Variants in DPCD observed in about 807,000 individuals in gnomAD.
DPCD encodes the protein protein DPCD.
DPCD carries 20 observed loss-of-function variants against 26.4 expected under a neutral mutation model. The observed-to-expected ratio is 0.76, with a 90% confidence interval of 0.53 to 1.10. The LOEUF is 1.10. Ranked by LOEUF, DPCD falls within the 50% of genes least tolerant of loss-of-function variation. The pLI is 0.00. For missense variants in DPCD, 202 were observed against 253.9 expected, an observed-to-expected ratio of 0.80 and a Z score of 1.39; for synonymous variants, 97 against 94.2, an observed-to-expected ratio of 1.03 and a Z score of -0.17.
chr10:101,595,078 T>G (rs983021642), intron 2 of DPCD, among the ~76,000 whole-genome samples: 1 of 152,220 alleles, frequency 6.6e-6, no homozygotes, highest in Non-Finnish European at 1.5e-5. Flanking sequence ...GGGCAGACTT[T>G]CACAATTTGT....
At chr10:101,608,657 A>G (rs2063748971) in intron 4 of DPCD, among the ~76,000 whole-genome samples, 178 bp from the exon 5 acceptor site, 1 of 152,162 alleles carries the variant, frequency 6.6e-6, no homozygotes, top group African/African-American at 2.4e-5. Context: ...CTTGCATTCT[A>G]TGCTTTCCAG....
At position 101,600,736 on chromosome 10, in the gene DPCD, A is replaced by T; in HGVS notation, c.146-2A>T. On this transcript the variant is annotated splice_acceptor_variant, in intron 2 of 5. Transcript: ENST00000370151. LOFTEE classifies it high-confidence loss of function. This position sits in a 1 kb window ranked among gnomAD's most constrained non-coding sequence, Gnocchi z 4.7. Reference sequence around the variant, plus strand: ...CATCCCGATGCTTGCTTCTCTCCCCAGTGAGAAAGTGGCGTGTGAAAAGTG... The same window carrying T: ...CATCCCGATGCTTGCTTCTCTCCCCTGTGAGAAAGTGGCGTGTGAAAAGTG... 6.2e-7 allele frequency: 1 copy of T among 1,612,014 alleles called. No individual in the cohort carries two copies. Among genetic ancestry groups the T allele is most frequent in the Non-Finnish European group, 8.5e-7 (1 of 1,179,190 alleles).
intron 4 of DPCD, among the ~76,000 whole-genome samples, chr10:101,608,246 A>G (rs2063746546): frequency 6.6e-6 from 1 of 152,156 alleles, no homozygotes; most frequent in South Asian, 2.1e-4. Flanking sequence ...GATGAGTAAC[A>G]TGGTTCGTCC....
chr10:101,601,117 T>C, intron 3 of DPCD, 86 bp from the exon 4 acceptor site: 3 of 1,579,744 alleles, frequency 1.9e-6, no homozygotes, highest in Non-Finnish European at 1.7e-6. Context: ...GCTGAGGGTC[T>C]TGTTGTGCCC....
chr10:101,600,906 G>T lies in DPCD; in HGVS notation c.270+44G>T, dbSNP rs1408446619. 3 of 1,610,460 alleles carry T rather than the reference G, an allele frequency of 1.9e-6. No individual in the cohort carries two copies. The South Asian group carries it at 3.3e-5, about 18-fold the overall frequency. On this transcript the variant is annotated intron_variant, in intron 3 of 5. Coordinates refer to ENST00000370151, the MANE Select transcript of DPCD (RefSeq NM_015448.3). The surrounding 1 kb of genome is among the most constrained non-coding windows in gnomAD (Gnocchi z 4.7). ...GTGTCTTGCACGGACTGAGGTGGGG[G>T]TGGGCTGTGGGCTGCTGGCTCTTGA...
At chr10:101,605,057 A>T in intron 4 of DPCD, 1 of 1,544,532 alleles carries the variant, frequency 6.5e-7, no homozygotes, top group Non-Finnish European at 8.7e-7. Flanking sequence ...GTGACTGTCT[A>T]GCAGGGGGCG....
intron 1 of DPCD, among the ~76,000 whole-genome samples, chr10:101,589,885 C>T (rs1359190389): frequency 6.6e-6 from 1 of 151,740 alleles, no homozygotes; most frequent in Non-Finnish European, 1.5e-5. Flanking sequence ...GAGACTGTGT[C>T]TCAGACAAAA....
At chr10:101,591,090 C>T (rs1447170979) in intron 1 of DPCD, among the ~76,000 whole-genome samples, 1 of 152,074 alleles carries the variant, frequency 6.6e-6, no homozygotes, top group Non-Finnish European at 1.5e-5. Context: ...GAGCAAGGAC[C>T]AAGGGCTGTG....
Position 101,588,407 on chromosome 10 carries a change from C to G in DPCD, c.64+7C>G, listed in dbSNP as rs1449356552. The G allele has an allele frequency of 3.8e-6, 6 of 1,589,272 alleles. No individual in the cohort carries two copies. The highest frequency in any genetic ancestry group is 5.1e-6 in the Non-Finnish European group (6 of 1,166,856). On this transcript the variant is annotated splice_region_variant and intron_variant, in intron 1 of 5. Transcript: ENST00000370151. ...ACTGCGCTGCTGCAGGACGGTAACTCGAGGGTCCCCACGGGCTCCTTCGTT... is the reference window on the plus strand; with the variant it reads ...ACTGCGCTGCTGCAGGACGGTAACTGGAGGGTCCCCACGGGCTCCTTCGTT...
intron 4 of DPCD, among the ~76,000 whole-genome samples, chr10:101,606,888 T>C (rs11191062): frequency 0.16 from 24,413 of 152,162 alleles, 2,387 homozygotes; most frequent in Middle Eastern, 0.23. Context: ...CCCTTGAGCC[T>C]ATCGGGAGCT....
chr10:101,597,223 AC>A (rs780369242), intron 2 of DPCD, among the ~76,000 whole-genome samples: 1 of 152,246 alleles, frequency 6.6e-6, no homozygotes, highest in East Asian at 1.9e-4. Context: ...CAGCCTAACC[AC>A]CCCAGGCTGC....
chr10:101,608,788 T>G (rs1438574615), intron 4 of DPCD, 47 bp from the exon 5 acceptor site: 1 of 1,360,630 alleles, frequency 7.3e-7, no homozygotes, highest in African/African-American at 1.4e-5. Flanking sequence ...GCCTGGCTGT[T>G]GGGTCACCTT....
At chr10:101,604,756 C>A (rs1287955187) in intron 4 of DPCD, among the ~76,000 whole-genome samples, 2 of 152,172 alleles carry the variant, frequency 1.3e-5, no homozygotes, top group Admixed American at 1.3e-4. Context: ...AAGGTTTCCT[C>A]ATCTATCAGA....
At chr10:101,599,633 A>G (rs1030068864) in intron 2 of DPCD, among the ~76,000 whole-genome samples, 11 of 152,214 alleles carry the variant, frequency 7.2e-5, no homozygotes, top group African/African-American at 2.7e-4. Context: ...AGCTGCTCAA[A>G]AGGTCTAAAG....
At chr10:101,601,784 TA>T (rs1293231811) in intron 4 of DPCD, among the ~76,000 whole-genome samples, 1 of 152,018 alleles carries the variant, frequency 6.6e-6, no homozygotes. Flanking sequence ...GACAGTCCTT[TA>T]AAGCAGTACT....
At chr10:101,597,136 G>A (rs1041039832) in intron 2 of DPCD, among the ~76,000 whole-genome samples, 5 of 152,240 alleles carry the variant, frequency 3.3e-5, no homozygotes, top group Admixed American at 1.3e-4. Context: ...GTCCAAGGGG[G>A]CTGAGGCTGA....
chr10:101,607,814 A>G (rs928694658), intron 4 of DPCD, among the ~76,000 whole-genome samples: 2 of 152,224 alleles, frequency 1.3e-5, no homozygotes, highest in Non-Finnish European at 2.9e-5. Context: ...TGACAGGTCT[A>G]GCAGCCCCTG....
At chr10:101,607,486 C>T (rs2063740658) in intron 4 of DPCD, among the ~76,000 whole-genome samples, 1 of 152,226 alleles carries the variant, frequency 6.6e-6, no homozygotes, top group Admixed American at 6.5e-5. Context: ...TCTTTTCCTG[C>T]CATGGGTCCC....
chr10:101,606,793 T>C (rs1160263526), intron 4 of DPCD, among the ~76,000 whole-genome samples: 1 of 152,102 alleles, frequency 6.6e-6, no homozygotes, highest in Non-Finnish European at 1.5e-5. Flanking sequence ...ACAGTACCTA[T>C]CATGGAAAAA....
Sources: allele counts gnomAD v4.1 joint callset (sites outside exome capture counted in the v4.1 genomes callset), GRCh38; gene constraint gnomAD v4.1.1; non-coding constraint Gnocchi (gnomAD v3.1); transcripts MANE v1.5; gene names NCBI Gene and HGNC (gene_info 2026-07-23, HGNC 2026-07-21).